The following KIRREL1 variants were observed in gnomAD, a reference collection of about 807,000 sequenced individuals.
KIRREL1 encodes the protein kirre like nephrin family adhesion molecule 1, also known as kin of IRRE-like protein 1.
KIRREL1 carries 25 observed loss-of-function variants against 83.3 expected under a neutral mutation model. The observed-to-expected ratio is 0.30, with a 90% CI of 0.22 to 0.42. KIRREL1 has a LOEUF of 0.42. Ranked by LOEUF, KIRREL1 falls within the 10% of genes least tolerant of loss-of-function variation. KIRREL1 has a pLI of 1.00. For synonymous variants in KIRREL1, 388 were observed against 410.4 expected (o/e 0.95, Z 0.66); for missense variants, 812 against 1,032.3 (o/e 0.79, Z 2.92).
chr1:158,009,900 C>G (rs1481442388), intron 1 of KIRREL1, among the ~76,000 whole-genome samples: 3 of 152,168 alleles, frequency 2.0e-5, no homozygotes, highest in African/African-American at 7.2e-5. Flanking sequence ...CTTCTGGTTT[C>G]CTGGGCATTA....
At chr1:158,003,241 G>T (rs1390068080) in intron 1 of KIRREL1, among the ~76,000 whole-genome samples, 1 of 152,146 alleles carries the variant, frequency 6.6e-6, no homozygotes, top group Non-Finnish European at 1.5e-5. Context: ...AAGGAGCAGA[G>T]ATGGGCAGGC....
At chr1:158,038,085 G>C (rs1660524085) in intron 1 of KIRREL1, among the ~76,000 whole-genome samples, 1 of 152,222 alleles carries the variant, frequency 6.6e-6, no homozygotes, top group Admixed American at 6.5e-5. Context: ...GCTCGTCTCA[G>C]GCCTGCCACC....
rs1662348426 is a variant in KIRREL1 at position 158,096,042 on chromosome 1, C to G, written c.*922C>G. 1 of 156,198 alleles carries G rather than the reference C, an allele frequency of 6.4e-6. No individual in the cohort carries two copies. The highest frequency in any genetic ancestry group is 1.4e-5 in the Non-Finnish European group (1 of 70,666). 9.7% of individuals were successfully genotyped at this position (156,198 alleles called of 1,614,324 possible). ...GGTAGGGGTGGGGGTGCTGTAGGCT[C>G]TTTTTCAAAGAAAACAAAAAACAAT... On this transcript the variant is annotated 3_prime_UTR_variant, in exon 15 of 15. Coordinates refer to ENST00000359209, the MANE Select transcript of KIRREL1 (RefSeq NM_018240.7).
chr1:158,058,303 ACCAAGTTTTC>A (rs1379694071), intron 1 of KIRREL1, among the ~76,000 whole-genome samples: 3 of 152,118 alleles, frequency 2.0e-5, no homozygotes, highest in African/African-American at 7.2e-5. Flanking sequence ...ACAATTCCTC[ACCAAGTTTTC>A]CCAACAGGTT....
At chr1:158,079,162 T>A (rs1278145772) in intron 3 of KIRREL1, among the ~76,000 whole-genome samples, 1 of 152,170 alleles carries the variant, frequency 6.6e-6, no homozygotes, top group Non-Finnish European at 1.5e-5. Context: ...TTTTTCTGCC[T>A]CCATTTGATA....
At chr1:157,993,816 C>A in intron 1 of KIRREL1, 88 bp downstream of exon 1, 1 of 828,486 alleles carries the variant, frequency 1.2e-6, no homozygotes. Context: ...TGGAGTGCCC[C>A]GCGGCCCGCG....
At chr1:158,015,319 C>T (rs1659799890) in intron 1 of KIRREL1, among the ~76,000 whole-genome samples, 1 of 152,162 alleles carries the variant, frequency 6.6e-6, no homozygotes, top group East Asian at 1.9e-4. Flanking sequence ...TCCTGTTTTG[C>T]ACCTGCAGCA....
intron 1 of KIRREL1, among the ~76,000 whole-genome samples, chr1:158,023,697 A>G (rs1660070072): frequency 6.6e-6 from 1 of 152,180 alleles, no homozygotes; most frequent in African/African-American, 2.4e-5. Context: ...CTGCTCTAAC[A>G]TTCAGTGTCC....
intron 1 of KIRREL1, among the ~76,000 whole-genome samples, chr1:158,024,197 C>T (rs1402310221): frequency 6.6e-6 from 1 of 152,012 alleles, no homozygotes; most frequent in Non-Finnish European, 1.5e-5. Context: ...AATCCACCCA[C>T]CTGGGCCTCC....
rs543549734 is a variant in KIRREL1, at chr1:158,076,569, A to G, written c.202+307A>G. ...AGACCCTGTGAGGGGAGCTGCAGGC[A>G]GACAGCTGTCTAGCAGGAGGTGCTG... is the stretch of plus-strand genomic sequence containing the variant. On this transcript the variant is annotated intron_variant, in intron 2 of 14. Transcript: ENST00000359209. 7.2e-5 allele frequency among the ~76,000 whole-genome samples: 11 copies of G among 152,316 alleles called. No individual in the cohort carries two copies. The South Asian group carries it at 1.9e-3, about 26-fold the overall frequency.
Position 158,094,565 on chromosome 1 carries a change from G to T in KIRREL1, c.1798-79G>T. 1 of 1,315,644 alleles carries T rather than the reference G, an allele frequency of 7.6e-7. No individual in the cohort carries two copies. The highest frequency in any genetic ancestry group is 1.1e-6 in the Non-Finnish European group (1 of 928,736). 81.5% of individuals were successfully genotyped at this position (1,315,644 alleles called of 1,614,324 possible). A position where few individuals can be genotyped will look rare whatever the true frequency, so the allele number is the denominator to read the frequency against. On this transcript the variant is annotated intron_variant, in intron 14 of 14. Coordinates refer to ENST00000359209, the MANE Select transcript of KIRREL1 (RefSeq NM_018240.7). This position sits in a 1 kb window ranked among gnomAD's most constrained non-coding sequence, Gnocchi z 4.6. ...GGACATAGGGAGAGCTGGAGGAAGA[G>T]GCCCAGAAAGCCATGGTGAGACTTG... is the stretch of plus-strand genomic sequence containing the variant.
At chr1:158,074,048 C>T (rs549675685) in intron 1 of KIRREL1, among the ~76,000 whole-genome samples, 21 of 152,216 alleles carry the variant, frequency 1.4e-4, no homozygotes, top group Admixed American at 9.2e-4. Flanking sequence ...TAGAGAAATG[C>T]GCAAGGATAT....
intron 1 of KIRREL1, among the ~76,000 whole-genome samples, chr1:158,000,646 C>T (rs776629746): frequency 2.0e-5 from 3 of 152,182 alleles, no homozygotes; most frequent in Non-Finnish European, 4.4e-5. Flanking sequence ...ATCCCACTTA[C>T]TCTCCCTCTA....
At chr1:158,081,314 G>T (rs1281963506) in intron 3 of KIRREL1, among the ~76,000 whole-genome samples, 1 of 152,200 alleles carries the variant, frequency 6.6e-6, no homozygotes, top group African/African-American at 2.4e-5. Context: ...TATTTACCAT[G>T]AAAGGAATAA....
chr1:158,049,453 C>T (rs767408703), intron 1 of KIRREL1, among the ~76,000 whole-genome samples: 10 of 152,138 alleles, frequency 6.6e-5, no homozygotes, highest in Non-Finnish European at 1.2e-4. Context: ...GATGGTTTGG[C>T]GTGTGCACAC....
At chr1:158,056,020 A>G (rs2101598564) in intron 1 of KIRREL1, among the ~76,000 whole-genome samples, 1 of 152,230 alleles carries the variant, frequency 6.6e-6, no homozygotes, top group Admixed American at 6.5e-5. Flanking sequence ...CCTCAGCCCC[A>G]TCCCCCTCCC....
intron 1 of KIRREL1, among the ~76,000 whole-genome samples, chr1:158,058,912 A>T (rs1310871034): frequency 1.1e-4 from 16 of 152,124 alleles, no homozygotes. Context: ...CCTCTCCCAG[A>T]CGCCGCAGCC....
intron 1 of KIRREL1, among the ~76,000 whole-genome samples, chr1:158,042,409 A>C (rs546001025): frequency 6.6e-6 from 1 of 152,344 alleles, no homozygotes; most frequent in South Asian, 2.1e-4. Context: ...AAGAATCTTT[A>C]ACATGAGCCC....
intron 1 of KIRREL1, among the ~76,000 whole-genome samples, chr1:158,044,436 A>G (rs1248024813): frequency 1.3e-5 from 2 of 152,204 alleles, no homozygotes; most frequent in African/African-American, 4.8e-5. Flanking sequence ...GCTTCCAAAA[A>G]TTATAACAGA....
Sources: gnomAD v4.1 joint callset for allele counts (sites outside exome capture counted in the v4.1 genomes callset) on GRCh38, gnomAD v4.1.1 for gene constraint, Gnocchi (gnomAD v3.1) non-coding constraint, MANE v1.5 for transcripts, NCBI Gene and HGNC (gene_info 2026-07-23, HGNC 2026-07-21) for gene names.